The following TRPV1 variants were observed in gnomAD, a reference collection of about 807,000 sequenced individuals.
TRPV1 encodes OTRPC1.
Under a neutral mutation model 82.3 loss-of-function variants are expected in TRPV1, and 82 were observed. That is an observed-to-expected ratio of 1.00 (90% confidence interval 0.83 to 1.20). The LOEUF is 1.20. Among genes scored for constraint, TRPV1 ranks in the 50% most tolerant of loss-of-function variants. The pLI is 0.00. For missense variants in TRPV1, 1,067 were observed against 1,096.8 expected (o/e 0.97, Z 0.38); for synonymous variants, 515 against 467.7 (o/e 1.10, Z -1.30).
chr17:3,566,674 T>C lies in TRPV1; in HGVS notation c.*141A>G, dbSNP rs2074766661. On this transcript the variant is annotated 3_prime_UTR_variant, in exon 17 of 17. Transcript: ENST00000572705. ...TTCCAAGAACGCTTCCCACAGCTTG[T>C]CCAGCACAGATTTGGGAACATGCTG... The C allele has an allele frequency of 9.6e-7, 1 of 1,041,396 alleles. No individual in the cohort carries two copies. The highest frequency in any genetic ancestry group is 2.8e-5 in the Admixed American group (1 of 35,112). 64.5% of individuals were successfully genotyped at this position (1,041,396 alleles called of 1,614,324 possible). A position where few individuals can be genotyped will look rare whatever the true frequency, so the allele number is the denominator to read the frequency against.
Position 3,571,536 on chromosome 17 carries a change from G to T in TRPV1, c.2335C>A (p.Arg779=). The T allele has an allele frequency of 6.2e-7, 1 of 1,604,498 alleles. No individual in the cohort carries two copies. The highest frequency in any genetic ancestry group is 8.5e-7 in the Non-Finnish European group (1 of 1,175,672). ...GVKRTLSFSL[R]SSRVSGRHWK... is the part of the protein sequence containing the mutation. ...CCTCACGCCTCACCTCTGCTTGACC[G>T]CAGGGAGAAGCTCAGGGTGCGCTTG... Residue 779 remains arginine (R), a synonymous_variant, in exon 16 of 17, where the codon CGG becomes AGG. Transcript: ENST00000572705.
chr17:3,572,338 G>A (rs1174142760), intron 14 of TRPV1, 89 bp from the exon 15 acceptor site: 3 of 1,474,684 alleles, frequency 2.0e-6, no homozygotes, highest in Non-Finnish European at 2.7e-6. Flanking sequence ...CTCCCCAGGG[G>A]CTCTCCCAGG....
chr17:3,588,203 G>A lies in TRPV1; in HGVS notation c.1209C>T (p.Ser403=). 1 of 1,565,662 alleles carries A rather than the reference G, an allele frequency of 6.4e-7. No homozygotes were observed. The highest frequency in any genetic ancestry group is 8.7e-7 in the Non-Finnish European group (1 of 1,155,522). Residue 403 remains serine, a synonymous_variant, in exon 8 of 17, where the codon AGC becomes AGT. Coordinates refer to ENST00000572705, the MANE Select transcript of TRPV1 (RefSeq NM_080704.4). The stretch of plus-strand genomic sequence containing the variant: ...AGCCACTCACAGGGGTCTCGCTGCT[G>A]CTGTAGGCGATCACCTCCAGCACCG... ...KNSVLEVIAY[S]SSETPNRHDM...
At chr17:3,572,517 G>A (rs2074868619) in intron 14 of TRPV1, among the ~76,000 whole-genome samples, 2 of 152,192 alleles carry the variant, frequency 1.3e-5, no homozygotes, top group Non-Finnish European at 2.9e-5. Flanking sequence ...GTGATACGGA[G>A]GCCCCAGACC....
At chr17:3,587,792 A>G (rs2075102517) in intron 8 of TRPV1, among the ~76,000 whole-genome samples, 1 of 151,978 alleles carries the variant, frequency 6.6e-6, no homozygotes, top group African/African-American at 2.4e-5. Flanking sequence ...CAGCCTGGGT[A>G]ACAAGAGCAA....
At chr17:3,573,551 C>CCCCCCCCCCCCCCTG in intron 14 of TRPV1, 82 bp downstream of exon 14, 3 of 635,234 alleles carry the variant, frequency 4.7e-6, no homozygotes, top group Non-Finnish European at 6.4e-6. Context: ...ACCCACCCAC[C>CCCCCCCCCCCCCCTG]TGCAGCCAGC....
At chr17:3,594,723 C>T (rs1359699250) in intron 2 of TRPV1, among the ~76,000 whole-genome samples, 1 of 152,240 alleles carries the variant, frequency 6.6e-6, no homozygotes, top group African/African-American at 2.4e-5. Context: ...GAGTCCAGCC[C>T]TGCGCTGGGG....
chr17:3,602,618 A>G (rs919077874), intron 2 of TRPV1, among the ~76,000 whole-genome samples: 5 of 152,180 alleles, frequency 3.3e-5, no homozygotes, highest in African/African-American at 1.2e-4. Flanking sequence ...AGCTCAGGAA[A>G]GCGTCTGCGG....
chr17:3,598,130 C>G (rs916439109), intron 2 of TRPV1, among the ~76,000 whole-genome samples: 2 of 152,206 alleles, frequency 1.3e-5, no homozygotes, highest in Admixed American at 6.5e-5. Context: ...ACAGTGAGGT[C>G]TAGGTATGCA....
At chr17:3,599,812 G>T (rs1245461154) in intron 2 of TRPV1, among the ~76,000 whole-genome samples, 9 of 151,858 alleles carry the variant, frequency 5.9e-5, no homozygotes. Flanking sequence ...GTAGAAATGG[G>T]GTTTCACCAT....
chr17:3,566,744 C>T lies in TRPV1; in HGVS notation c.*71G>A, dbSNP rs909541487. 12 of 1,552,870 alleles carry T rather than the reference C, an allele frequency of 7.7e-6. No individual in the cohort carries two copies. The highest frequency in any genetic ancestry group is 1.0e-5 in the Non-Finnish European group (12 of 1,144,808). On this transcript the variant is annotated 3_prime_UTR_variant, in exon 17 of 17. Transcript: ENST00000572705. ...AGGCTGCTGACAGAGCACTGGTGTTCCCTCAGCAGCCCCCCGTGGCAACGG... is the reference window on the plus strand; with the variant it reads ...AGGCTGCTGACAGAGCACTGGTGTTTCCTCAGCAGCCCCCCGTGGCAACGG...
intron 15 of TRPV1, 127 bp downstream of exon 15, chr17:3,571,995 C>G: frequency 7.8e-7 from 1 of 1,278,770 alleles, no homozygotes. Flanking sequence ...CCAATCCCTA[C>G]AGCTGGCATT....
chr17:3,590,168 G>A (rs1041177233), intron 6 of TRPV1, 63 bp from the exon 7 acceptor site: 25 of 1,586,156 alleles, frequency 1.6e-5, no homozygotes, highest in African/African-American at 8.1e-5. Context: ...CTGAACCACC[G>A]GCCTCCAAAC....
rs201144788 is a variant in TRPV1 at position 3,592,084 on chromosome 17, G to C, written c.267C>G (p.Asp89Glu). 1 of 1,611,964 alleles carries C rather than the reference G, an allele frequency of 6.2e-7. No homozygotes were observed. Among genetic ancestry groups the C allele is most frequent in the East Asian group, 2.2e-5 (1 of 44,844 alleles). Residue 89 changes from aspartate (D) to glutamate (E), a missense_variant, in exon 3 of 17, where the codon GAC becomes GAG. Transcript: ENST00000572705. Reference protein sequence around the residue: ...SPVITIQRPGDGPTGARLLSQ... With the variant: ...SPVITIQRPGEGPTGARLLSQ... The stretch of plus-strand genomic sequence containing the variant: ...GGACTTACCTGGCACCGGTGGGGCC[G>C]TCTCCTGGCCTCTGGATGGTGATAA...
chr17:3,586,659 T>C (rs1003776457), intron 8 of TRPV1, among the ~76,000 whole-genome samples: 5 of 152,064 alleles, frequency 3.3e-5, no homozygotes, highest in African/African-American at 1.2e-4. Flanking sequence ...TAATCCCAGC[T>C]ACTTGGGAGG....
rs200128443 is a variant in TRPV1, at chr17:3,566,699, G to A, written c.*116C>T. The A allele has an allele frequency of 1.5e-5, 20 of 1,299,430 alleles. No homozygotes were observed. In the African/African-American group the frequency reaches 2.7e-4, roughly 17 times the overall value. The allele number at this position is 1,299,430 out of a possible 1,614,324, so 80.5% of individuals were successfully genotyped here. A position where few individuals can be genotyped will look rare whatever the true frequency, so the allele number is the denominator to read the frequency against. On this transcript the variant is annotated 3_prime_UTR_variant, in exon 17 of 17. Transcript: ENST00000572705. ...TCCAGCACAGATTTGGGAACATGCT[G>A]GGCAGGCACAGACCAGGCCAGGCTG...
chr17:3,586,123 C>G (rs1383648385), intron 8 of TRPV1, among the ~76,000 whole-genome samples, 197 bp from the exon 9 acceptor site: 1 of 152,224 alleles, frequency 6.6e-6, no homozygotes, highest in African/African-American at 2.4e-5. Context: ...CACGGAGGGA[C>G]CTGCCCTCTT....
intron 2 of TRPV1, among the ~76,000 whole-genome samples, chr17:3,607,322 C>T (rs769670653): frequency 1.6e-4 from 24 of 149,996 alleles, no homozygotes; most frequent in Non-Finnish European, 2.5e-4. Context: ...CCAGCCTGGG[C>T]GACAGAGGGA....
intron 5 of TRPV1, among the ~76,000 whole-genome samples, chr17:3,590,662 A>G (rs1218180271): frequency 6.6e-6 from 1 of 152,176 alleles, no homozygotes; most frequent in African/African-American, 2.4e-5. Context: ...ACAGCAGCAG[A>G]GAGAAAGGCC....
Sources: gnomAD v4.1 joint callset for allele counts (sites outside exome capture counted in the v4.1 genomes callset) on GRCh38, gnomAD v4.1.1 for gene constraint, MANE v1.5 for transcripts, NCBI Gene and HGNC (gene_info 2026-07-23, HGNC 2026-07-21) for gene names.